Variants in RORB observed in about 807,000 individuals in gnomAD.
The protein encoded by RORB is RAR related orphan receptor B, also known as nuclear receptor ROR-beta.
RORB carries 6 observed loss-of-function variants against 59.1 expected under a neutral mutation model. The ratio of observed to expected loss-of-function variants is 0.10; its 90% confidence interval spans 0.06 to 0.20. The LOEUF is 0.20. Among genes scored for constraint, RORB ranks in the 10% least tolerant of loss-of-function variants. The pLI is 1.00. For synonymous variants in RORB, 215 were observed against 204.5 expected (o/e 1.05, Z -0.44); for missense variants, 320 against 560.5 (o/e 0.57, Z 4.33).
chr9:74,535,446 A>G (rs1826307770), intron 1 of RORB, among the ~76,000 whole-genome samples: 1 of 151,946 alleles, frequency 6.6e-6, no homozygotes. Flanking sequence ...GAATGGAAAA[A>G]ATCTTGGAAT....
At chr9:74,548,112 C>T (rs886225460) in intron 1 of RORB, among the ~76,000 whole-genome samples, 5 of 152,018 alleles carry the variant, frequency 3.3e-5, no homozygotes, top group African/African-American at 1.2e-4. Flanking sequence ...AAAATGACTC[C>T]CCATGTTTTT....
chr9:74,647,732 T>C (rs920114233), intron 4 of RORB, among the ~76,000 whole-genome samples: 3 of 152,232 alleles, frequency 2.0e-5, no homozygotes, highest in Admixed American at 2.0e-4. Flanking sequence ...CAAAGAGGTA[T>C]TGGCCTAAAA....
intron 1 of RORB, among the ~76,000 whole-genome samples, chr9:74,531,514 T>C (rs1826237669): frequency 6.6e-6 from 1 of 151,982 alleles, no homozygotes; most frequent in African/African-American, 2.4e-5. Flanking sequence ...TTTATGCCAT[T>C]TTATCCCTCT....
intron 1 of RORB, among the ~76,000 whole-genome samples, chr9:74,629,795 A>G (rs1244438724): frequency 6.6e-6 from 1 of 152,208 alleles, no homozygotes; most frequent in Non-Finnish European, 1.5e-5. Context: ...TTTTGTAAGT[A>G]AACATCCAGC....
At chr9:74,674,690 C>A (rs1249501342) in intron 9 of RORB, among the ~76,000 whole-genome samples, 1 of 152,170 alleles carries the variant, frequency 6.6e-6, no homozygotes, top group African/African-American at 2.4e-5. Flanking sequence ...CTAACATTAA[C>A]TAGAAGATTT....
intron 1 of RORB, among the ~76,000 whole-genome samples, chr9:74,585,488 T>C (rs971219929): frequency 2.0e-5 from 3 of 152,200 alleles, no homozygotes; most frequent in Non-Finnish European, 4.4e-5. Flanking sequence ...ATTCCGAAGT[T>C]GTCAAACTGA....
chr9:74,497,936 A>G lies in RORB; in HGVS notation c.-41A>G, dbSNP rs1444485744. 6.2e-6 allele frequency: 10 copies of G among 1,609,956 alleles called. No individual in the cohort carries two copies. The South Asian group carries it at 1.0e-4, about 16-fold the overall frequency. On this transcript the variant is annotated 5_prime_UTR_variant, in exon 1 of 10. Coordinates refer to ENST00000376896, the MANE Select transcript of RORB (RefSeq NM_006914.4). ...TGGGCTCTCCGGGGTTCGGGCTGGG[A>G]GCAGCTTCATGACTACGCGGAGCGG... is the stretch of plus-strand genomic sequence containing the variant.
At chr9:74,577,941 G>C (rs1822662877) in intron 1 of RORB, among the ~76,000 whole-genome samples, 1 of 152,070 alleles carries the variant, frequency 6.6e-6, no homozygotes, top group Non-Finnish European at 1.5e-5. Flanking sequence ...CCAACTCAAA[G>C]AATCCTAAGT....
chr9:74,521,658 G>C (rs555018647), intron 1 of RORB, among the ~76,000 whole-genome samples: 1 of 151,822 alleles, frequency 6.6e-6, no homozygotes, highest in Non-Finnish European at 1.5e-5. Context: ...AAAACTTATT[G>C]AGCAAGTGAC....
intron 5 of RORB, 30 bp downstream of exon 5, chr9:74,660,768 C>T (rs1271976689): frequency 6.2e-7 from 1 of 1,601,540 alleles, no homozygotes; most frequent in South Asian, 1.1e-5. Flanking sequence ...GAAAGTTTTT[C>T]TGTGATTACC....
At chr9:74,573,311 A>G (rs1822580622) in intron 1 of RORB, among the ~76,000 whole-genome samples, 1 of 152,022 alleles carries the variant, frequency 6.6e-6, no homozygotes, top group African/African-American at 2.4e-5. Flanking sequence ...CCACTTGTGC[A>G]TGTCATTTGT....
intron 1 of RORB, among the ~76,000 whole-genome samples, chr9:74,526,893 A>G (rs1348929439): frequency 6.6e-6 from 1 of 151,962 alleles, no homozygotes; most frequent in Non-Finnish European, 1.5e-5. Flanking sequence ...CTATCACTGG[A>G]CTTATGATTA....
At chr9:74,679,515 T>A (rs967912716) in intron 9 of RORB, among the ~76,000 whole-genome samples, 9 of 152,068 alleles carry the variant, frequency 5.9e-5, no homozygotes, top group African/African-American at 2.2e-4. Flanking sequence ...AAATTTCAAA[T>A]CTAGACTGAA....
intron 1 of RORB, among the ~76,000 whole-genome samples, chr9:74,555,835 G>A (rs1457322240): frequency 2.6e-5 from 4 of 152,192 alleles, no homozygotes; most frequent in East Asian, 3.8e-4. Flanking sequence ...TGATGTCAGC[G>A]TGGGAAAATA....
rs1825735665 is a variant in RORB at position 74,497,882 on chromosome 9, C to T, written c.-95C>T. 1 of 1,488,002 alleles carries T rather than the reference C, an allele frequency of 6.7e-7. No homozygotes were observed. The allele number at this position is 1,488,002 out of a possible 1,614,324, so 92.2% of individuals were successfully genotyped here. On this transcript the variant is annotated 5_prime_UTR_variant, in exon 1 of 10. Transcript: ENST00000376896. ...CGGCAGAGCAGCTCTTCGCCGACCA[C>T]CTTCTTCACTCGTGCTGAGCGGGAT...
intron 1 of RORB, among the ~76,000 whole-genome samples, chr9:74,598,930 G>A (rs2118313498): frequency 6.6e-6 from 1 of 152,272 alleles, no homozygotes; most frequent in South Asian, 2.1e-4. Context: ...GACCAAACCA[G>A]AAGAGGAACC....
chr9:74,506,701 T>A (rs1587331173), intron 1 of RORB, among the ~76,000 whole-genome samples: 1 of 152,222 alleles, frequency 6.6e-6, no homozygotes, highest in African/African-American at 2.4e-5. Context: ...GCAGCCAAAC[T>A]GTCACTCTTG....
intron 1 of RORB, among the ~76,000 whole-genome samples, chr9:74,528,430 G>A (rs1415312498): frequency 2.6e-5 from 4 of 152,012 alleles, no homozygotes; most frequent in East Asian, 1.9e-4. Context: ...ACAGCCGTCC[G>A]TCTGGCGGTG....
intron 1 of RORB, among the ~76,000 whole-genome samples, chr9:74,503,001 A>G (rs1291539838): frequency 2.0e-5 from 3 of 152,106 alleles, no homozygotes; most frequent in African/African-American, 7.2e-5. Context: ...ACATTAACAA[A>G]ACATTTATTG....
Sources: gnomAD v4.1 joint callset for allele counts (sites outside exome capture counted in the v4.1 genomes callset) on GRCh38, gnomAD v4.1.1 for gene constraint, MANE v1.5 for transcripts, NCBI Gene and HGNC (gene_info 2026-07-23, HGNC 2026-07-21) for gene names.